The following TASP1 variants were observed in gnomAD, a reference collection of about 807,000 sequenced individuals.
TASP1 encodes taspase 1.
In TASP1, 16 loss-of-function variants were observed where a neutral mutation model predicts 56.6. The ratio of observed to expected loss-of-function variants is 0.28; its 90% CI spans 0.19 to 0.43. The LOEUF (loss-of-function observed/expected upper bound fraction) is 0.43, where lower values mean the gene tolerates loss of function less well. TASP1 is among the 20% of genes least tolerant of loss of function. TASP1 has a pLI of 1.00. For missense variants in TASP1, 393 were observed against 511.6 expected (o/e 0.77, Z 2.24); for synonymous variants, 179 against 184.2 (o/e 0.97, Z 0.23).
At chr20:13,276,351 A>G in the TASP1 span, among the ~76,000 whole-genome samples, 1 of 152,294 alleles carries the variant, frequency 6.6e-6, no homozygotes, top group East Asian at 1.9e-4. Context: ...TGGGAAGTGC[A>G]TTTCCGAGCA....
chr20:13,513,353 G>A (rs8124686), intron 10 of TASP1, among the ~76,000 whole-genome samples: 30,323 of 150,968 alleles, frequency 0.2, 3,254 homozygotes, highest in Middle Eastern at 0.28. Context: ...TGGCACCACT[G>A]ACCTTGGAGG....
At chr20:13,305,504 T>C in the TASP1 span, among the ~76,000 whole-genome samples, 48 of 152,312 alleles carry the variant, frequency 3.2e-4, no homozygotes, top group South Asian at 4.1e-4. Flanking sequence ...TGTTTGTCAT[T>C]CATTTACAAT....
intron 11 of TASP1, among the ~76,000 whole-genome samples, chr20:13,457,773 T>C (rs12329562): frequency 0.16 from 24,896 of 152,032 alleles, 2,390 homozygotes; most frequent in Middle Eastern, 0.23. Context: ...ACATTCACAA[T>C]CTAATAGAGC....
the TASP1 span, chr20:13,126,670 T>A: frequency 6.2e-7 from 1 of 1,614,064 alleles, no homozygotes; most frequent in African/African-American, 1.3e-5. Context: ...GCAGAGCAAA[T>A]CATCAGATCA....
intron 6 of TASP1, among the ~76,000 whole-genome samples, chr20:13,572,795 T>G (rs1164701543): frequency 2.0e-5 from 3 of 152,006 alleles, no homozygotes; most frequent in Non-Finnish European, 4.4e-5. Flanking sequence ...TACAATCTCA[T>G]GGATGTACTC....
chr20:13,596,263 T>C (rs934551557), intron 4 of TASP1, among the ~76,000 whole-genome samples: 37 of 151,590 alleles, frequency 2.4e-4, no homozygotes, highest in Admixed American at 2.6e-4. Flanking sequence ...TAATCCCACA[T>C]ACTCGGGGGG....
the TASP1 span, among the ~76,000 whole-genome samples, chr20:13,144,941 A>AT: frequency 3.9e-5 from 6 of 151,908 alleles, no homozygotes; most frequent in South Asian, 6.2e-4. Context: ...CGCCCAGCTA[A>AT]TTTTTTTGTA....
At chr20:13,167,357 T>C in the TASP1 span, 12 of 152,286 alleles carry the variant, frequency 7.9e-5, no homozygotes, top group African/African-American at 2.6e-4. Flanking sequence ...TTAGCTCTAA[T>C]TATATCAGAG....
At position 13,517,633 on chromosome 20, in the gene TASP1, C is replaced by A. The variant is rs542432471; in HGVS notation, c.874+10800G>T. Among the ~76,000 whole-genome samples, 201 of 152,156 alleles carry A rather than the reference C, an allele frequency of 1.3e-3. 1 individual carries two copies. The highest frequency in any genetic ancestry group is 4.5e-3 in the African/African-American group (187 of 41,542). ...GGAAAAAAATCTACTCATTTAAAATCTCTAAGATACAAGTAACATGTCGCA... is the reference window on the plus strand; with the variant it reads ...GGAAAAAAATCTACTCATTTAAAATATCTAAGATACAAGTAACATGTCGCA... On this transcript the variant is annotated intron_variant, in intron 10 of 13. Coordinates refer to ENST00000337743, the MANE Select transcript of TASP1 (RefSeq NM_017714.3).
the TASP1 span, among the ~76,000 whole-genome samples, chr20:13,170,018 G>A: frequency 6.6e-6 from 1 of 152,156 alleles, no homozygotes. Context: ...TGTATAGCCT[G>A]CATGTAAATT....
intron 10 of TASP1, among the ~76,000 whole-genome samples, chr20:13,510,610 TC>T (rs1220737303): frequency 3.3e-5 from 5 of 152,216 alleles, no homozygotes; most frequent in African/African-American, 1.2e-4. Context: ...CTATAACTTT[TC>T]TAGTAAAAAT....
At chr20:13,203,637 T>C in the TASP1 span, among the ~76,000 whole-genome samples, 57,564 of 152,104 alleles carry the variant, frequency 0.38, 11,541 homozygotes, top group African/African-American at 0.53. Context: ...GTTAACATGG[T>C]CAATAGCTGC....
the TASP1 span, among the ~76,000 whole-genome samples, chr20:13,306,427 A>T: frequency 2.0e-5 from 3 of 152,146 alleles, no homozygotes; most frequent in African/African-American, 7.2e-5. Context: ...TTTTTACACC[A>T]TTAGACATGC....
chr20:13,529,423 T>C (rs1275686959), intron 9 of TASP1, among the ~76,000 whole-genome samples: 2 of 152,154 alleles, frequency 1.3e-5, no homozygotes, highest in Non-Finnish European at 2.9e-5. Flanking sequence ...CTAGCTATCA[T>C]AGCAAAATAC....
the TASP1 span, among the ~76,000 whole-genome samples, chr20:13,321,253 T>TAAAAAAAAA: frequency 3.1e-4 from 18 of 57,516 alleles, no homozygotes; most frequent in African/African-American, 7.6e-4. Flanking sequence ...GTGCCCCACA[T>TAAAAAAAAA]AAAAAAAAAA....
chr20:13,451,244 T>C (rs531681560), intron 11 of TASP1, among the ~76,000 whole-genome samples: 12 of 152,198 alleles, frequency 7.9e-5, no homozygotes, highest in African/African-American at 2.9e-4. Context: ...GGCCATAGGA[T>C]TTTTTGAATG....
chr20:13,403,443 C>T (rs1488500683), intron 13 of TASP1, among the ~76,000 whole-genome samples: 1 of 152,164 alleles, frequency 6.6e-6, no homozygotes, highest in Non-Finnish European at 1.5e-5. Flanking sequence ...CACCTCCTTC[C>T]TCCACCACTA....
At chr20:13,215,560 GAA>G in the TASP1 span, among the ~76,000 whole-genome samples, 3 of 152,206 alleles carry the variant, frequency 2.0e-5, no homozygotes, top group African/African-American at 7.2e-5. Context: ...ATATCACACA[GAA>G]ATGCAGTAAA....
chr20:13,117,627 A>G, the TASP1 span: 1 of 1,614,102 alleles, frequency 6.2e-7, no homozygotes, highest in Non-Finnish European at 8.5e-7. Flanking sequence ...CCGGGGTGTC[A>G]CGGAGTTCTT....
Sources: gnomAD v4.1 joint callset for allele counts (sites outside exome capture counted in the v4.1 genomes callset) on GRCh38, gnomAD v4.1.1 for gene constraint, MANE v1.5 for transcripts, NCBI Gene and HGNC (gene_info 2026-07-23, HGNC 2026-07-21) for gene names.